The following UGT2B15 variants were observed in gnomAD, a reference collection of about 807,000 sequenced individuals.
UGT2B15 encodes the protein UDP glucuronosyltransferase family 2 member B15, also known as UDP-glucuronosyltransferase 2B15.
UGT2B15 carries 36 observed loss-of-function variants against 45.9 expected under a neutral mutation model. The ratio of observed to expected loss-of-function variants is 0.78; its 90% CI spans 0.60 to 1.04. The LOEUF (loss-of-function observed/expected upper bound fraction) is 1.04, where lower values mean the gene tolerates loss of function less well. UGT2B15 is among the 50% of genes least tolerant of loss of function. UGT2B15 has a pLI of 0.00. For synonymous variants in UGT2B15, 219 were observed against 216.4 expected, an observed-to-expected ratio of 1.01 and a Z score of -0.11; for missense variants, 617 against 622.4, an observed-to-expected ratio of 0.99 and a Z score of 0.09.
At chr4:68,658,118 T>C (rs1203462610) in intron 3 of UGT2B15, among the ~76,000 whole-genome samples, 1 of 152,068 alleles carries the variant, frequency 6.6e-6, no homozygotes. Flanking sequence ...AAACAGGTTA[T>C]CAAGAATTTG....
At chr4:68,661,917 C>T (rs1732978962) in intron 3 of UGT2B15, among the ~76,000 whole-genome samples, 1 of 152,064 alleles carries the variant, frequency 6.6e-6, no homozygotes, top group Admixed American at 6.6e-5. Context: ...TGATGCACTA[C>T]CTAGCATTGA....
intron 5 of UGT2B15, among the ~76,000 whole-genome samples, chr4:68,649,901 C>T (rs1241866046): frequency 6.6e-6 from 1 of 151,224 alleles, no homozygotes; most frequent in Non-Finnish European, 1.5e-5. Flanking sequence ...GGCACTATCT[C>T]GGCTCACTGC....
At chr4:68,647,479 G>A in intron 5 of UGT2B15, 96 bp from the exon 6 acceptor site, 1 of 1,338,144 alleles carries the variant, frequency 7.5e-7, no homozygotes, top group Non-Finnish European at 1.0e-6. Flanking sequence ...TCACACAAAT[G>A]ATTGAAAGTA....
chr4:68,647,611 G>A (rs1217478443), intron 5 of UGT2B15, among the ~76,000 whole-genome samples: 6 of 152,036 alleles, frequency 3.9e-5, no homozygotes, highest in Admixed American at 2.6e-4. Context: ...GGAATTTTCG[G>A]TGGGAAAGTT....
At chr4:68,652,678 C>T (rs937105069) in intron 5 of UGT2B15, among the ~76,000 whole-genome samples, 11 of 150,210 alleles carry the variant, frequency 7.3e-5, no homozygotes, top group African/African-American at 2.7e-4. Context: ...ATTTTATCAA[C>T]ATTGAAACCT....
chr4:68,668,651 C>G (rs1376271720), intron 1 of UGT2B15, among the ~76,000 whole-genome samples: 1 of 140,988 alleles, frequency 7.1e-6, no homozygotes, highest in Admixed American at 7.5e-5. Flanking sequence ...CTCATGAGAT[C>G]TGATAGTTTT....
intron 1 of UGT2B15, among the ~76,000 whole-genome samples, chr4:68,668,639 C>A (rs1393783230): frequency 6.9e-6 from 1 of 145,346 alleles, no homozygotes; most frequent in Non-Finnish European, 1.5e-5. Flanking sequence ...ATTGAGTGAG[C>A]TCTCATGAGA....
intron 3 of UGT2B15, 84 bp from the exon 4 acceptor site, chr4:68,655,266 A>G: frequency 1.4e-6 from 2 of 1,442,454 alleles, no homozygotes; most frequent in Non-Finnish European, 1.9e-6. Flanking sequence ...ATTAATAATC[A>G]GTTAGTTAAT....
At chr4:68,669,779 G>A (rs2109838085) in intron 1 of UGT2B15, 116 bp downstream of exon 1, 1 of 1,377,184 alleles carries the variant, frequency 7.3e-7, no homozygotes, top group Non-Finnish European at 9.9e-7. Context: ...TCTTACATTT[G>A]CAATTCATAA....
chr4:68,647,882 A>C (rs1477524255), intron 5 of UGT2B15, among the ~76,000 whole-genome samples: 1 of 151,674 alleles, frequency 6.6e-6, no homozygotes, highest in African/African-American at 2.4e-5. Flanking sequence ...GCCTGGCTAT[A>C]TTTTTTTATT....
chr4:68,655,366 G>A (rs1277630597), intron 3 of UGT2B15, among the ~76,000 whole-genome samples, 184 bp from the exon 4 acceptor site: 5 of 152,042 alleles, frequency 3.3e-5, no homozygotes, highest in African/African-American at 1.2e-4. Flanking sequence ...CACGTTTAAT[G>A]TCGTTACTTT....
intron 2 of UGT2B15, among the ~76,000 whole-genome samples, chr4:68,665,893 A>C (rs528328051): frequency 1.4e-4 from 22 of 152,212 alleles, no homozygotes; most frequent in African/African-American, 5.1e-4. Context: ...CTAAAAACAC[A>C]AAGATTAGTC....
At chr4:68,663,776 C>G (rs1443495856) in intron 2 of UGT2B15, among the ~76,000 whole-genome samples, 1 of 150,708 alleles carries the variant, frequency 6.6e-6, no homozygotes, top group African/African-American at 2.4e-5. Flanking sequence ...CCCCCACCCC[C>G]CAAAAACACC....
intron 1 of UGT2B15, among the ~76,000 whole-genome samples, chr4:68,668,735 C>G (rs1482605071): frequency 6.7e-6 from 1 of 148,574 alleles, no homozygotes; most frequent in Non-Finnish European, 1.5e-5. Context: ...GCTTGCTTCC[C>G]CTTAGCCTTT....
At chr4:68,669,687 G>A (rs1733242828) in intron 1 of UGT2B15, among the ~76,000 whole-genome samples, 1 of 152,102 alleles carries the variant, frequency 6.6e-6, no homozygotes, top group South Asian at 2.1e-4. Context: ...CTCTCTGGGT[G>A]TCCTGTAGTA....
At chr4:68,668,248 A>G in intron 1 of UGT2B15, 60 bp from the exon 2 acceptor site, 2 of 1,604,060 alleles carry the variant, frequency 1.2e-6, no homozygotes, top group Non-Finnish European at 1.7e-6. Context: ...TTATTTGAAT[A>G]TGCAGGTATT....
In UGT2B15 at chr4:68,647,180, A is replaced by T; in HGVS notation, c.1517T>A (p.Ile506Lys). The T allele has an allele frequency of 1.2e-6, 2 of 1,613,986 alleles. No individual in the cohort carries two copies. Among genetic ancestry groups the T allele is most frequent in the Non-Finnish European group, 8.5e-7 (1 of 1,179,942 alleles). ...AFLLACVATV[I>K]FIITKFCLFC... is the part of the protein sequence containing the mutation. The stretch of plus-strand genomic sequence containing the variant: ...CAGGCAAAATTTTGTGATGATAAAT[A>T]TCACAGTTGCCACGCAGGCCAGCAG... Residue 506 changes from isoleucine to lysine, a missense_variant, in exon 6 of 6, where the codon ATA (isoleucine) becomes AAA (lysine). Ile to Lys is a moderately radical substitution (Grantham distance 102). This residue lies in a region of UGT2B15 where 265 missense variants were observed against 245.1 expected (regional missense o/e 1.08). Coordinates refer to ENST00000338206, the MANE Select transcript of UGT2B15 (RefSeq NM_001076.4).
rs532970570 is a variant in UGT2B15, at chr4:68,660,876, C to T, written c.1005+2132G>A. Among the ~76,000 whole-genome samples the T allele has an allele frequency of 4.6e-5, 7 of 151,932 alleles. No individual in the cohort carries two copies. The South Asian group carries it at 6.2e-4, about 13-fold the overall frequency. The stretch of plus-strand genomic sequence containing the variant: ...GAAGAAAATAACAGCAACCAATTTA[C>T]ATACATAATCCACTTTCATACCTGC... On this transcript the variant is annotated intron_variant, in intron 3 of 5. Coordinates refer to ENST00000338206, the MANE Select transcript of UGT2B15 (RefSeq NM_001076.4).
intron 3 of UGT2B15, among the ~76,000 whole-genome samples, chr4:68,657,691 G>A (rs1208672452): frequency 6.6e-6 from 1 of 151,990 alleles, no homozygotes; most frequent in African/African-American, 2.4e-5. Flanking sequence ...GCAAGCTATA[G>A]AGTTCCTAAG....
Sources: allele counts gnomAD v4.1 joint callset (sites outside exome capture counted in the v4.1 genomes callset), GRCh38; gene constraint gnomAD v4.1.1; regional missense constraint gnomAD v4.1.1; transcripts MANE v1.5; gene names NCBI Gene and HGNC (gene_info 2026-07-23, HGNC 2026-07-21).